Variants in NXN observed in about 807,000 individuals in gnomAD.
NXN encodes the protein nucleoredoxin, also known as nucleoredoxin 1.
Under a neutral mutation model 48.6 loss-of-function variants are expected in NXN, and 16 were observed. The ratio of observed to expected loss-of-function variants is 0.33; its 90% confidence interval spans 0.22 to 0.50. The LOEUF is 0.50. Among genes scored for constraint, NXN ranks in the 20% least tolerant of loss-of-function variants. The pLI is 0.98. For synonymous variants in NXN, 281 were observed against 269.6 expected (o/e 1.04, Z -0.41); for missense variants, 492 against 605.5 (o/e 0.81, Z 1.97).
At chr17:894,811 C>A (rs1019993410) in intron 1 of NXN, among the ~76,000 whole-genome samples, 1 of 152,108 alleles carries the variant, frequency 6.6e-6, no homozygotes, top group Non-Finnish European at 1.5e-5. Flanking sequence ...TGCTAAAATA[C>A]CCCCTTCCAT....
intron 5 of NXN, among the ~76,000 whole-genome samples, chr17:814,421 G>A (rs1478007185): frequency 6.6e-6 from 1 of 152,132 alleles, no homozygotes; most frequent in Admixed American, 6.6e-5. Flanking sequence ...TCTGCTCCAC[G>A]GATGATGAGG....
intron 1 of NXN, among the ~76,000 whole-genome samples, chr17:916,898 T>TA (rs1230756312): frequency 6.6e-6 from 1 of 151,408 alleles, no homozygotes; most frequent in African/African-American, 2.4e-5. Flanking sequence ...ACTTCATCTC[T>TA]AAAAAAAAAT....
At chr17:859,653 T>C (rs534373142) in intron 1 of NXN, among the ~76,000 whole-genome samples, 27 of 152,140 alleles carry the variant, frequency 1.8e-4, no homozygotes, top group Non-Finnish European at 4.0e-4. Context: ...TCACGACCTG[T>C]TTCACGGATC....
At chr17:820,802 T>C (rs1912786840) in intron 4 of NXN, among the ~76,000 whole-genome samples, 1 of 70,790 alleles carries the variant, frequency 1.4e-5, no homozygotes. Context: ...CCGGCGCCTG[T>C]AGTCCCAGCT....
chr17:865,708 G>A (rs2068088493), intron 1 of NXN, among the ~76,000 whole-genome samples: 1 of 151,918 alleles, frequency 6.6e-6, no homozygotes, highest in Non-Finnish European at 1.5e-5. Context: ...ATGTTGCTGG[G>A]CGCAGTGGCT....
intron 1 of NXN, among the ~76,000 whole-genome samples, chr17:955,013 C>A (rs560129325): frequency 1.3e-5 from 2 of 151,584 alleles, no homozygotes; most frequent in African/African-American, 4.9e-5. Flanking sequence ...GGGCCTGACC[C>A]CAGCCCTTCC....
At chr17:929,713 C>T (rs767267653) in intron 1 of NXN, 1 of 152,256 alleles carries the variant, frequency 6.6e-6, no homozygotes, top group Non-Finnish European at 1.5e-5. Flanking sequence ...CTGACCCAAC[C>T]GGAGGAGGCT....
At chr17:813,101 C>T (rs981905266) in intron 5 of NXN, among the ~76,000 whole-genome samples, 1 of 152,218 alleles carries the variant, frequency 6.6e-6, no homozygotes, top group Non-Finnish European at 1.5e-5. Context: ...CACTGGAAGC[C>T]GTAACCACGG....
chr17:910,619 G>C (rs555071532), intron 1 of NXN: 4 of 152,150 alleles, frequency 2.6e-5, no homozygotes, highest in African/African-American at 9.6e-5. Context: ...TTTTAAAAAA[G>C]CAACATACTT....
At chr17:905,225 G>A (rs1054027144) in intron 1 of NXN, 2 of 151,136 alleles carry the variant, frequency 1.3e-5, no homozygotes, top group Non-Finnish European at 3.0e-5. Context: ...CCAGCTGGGC[G>A]ACACAGCAAG....
At position 939,325 on chromosome 17, in the gene NXN, C is replaced by T. The variant is rs117471728; in HGVS notation, c.360+39994G>A. Among the ~76,000 whole-genome samples the T allele has an allele frequency of 4.8e-3, 718 of 150,404 alleles. 6 individuals carry two copies. Among genetic ancestry groups the T allele is most frequent in the East Asian group, 0.027 (140 of 5,116 alleles). ...GACAGATAGATACAGCAAAATACCA[C>T]GTAACTATTAGAAATCAGCTTTTTT... is the stretch of plus-strand genomic sequence containing the variant. On this transcript the variant is annotated intron_variant, in intron 1 of 7. Transcript: ENST00000336868.
intron 1 of NXN, among the ~76,000 whole-genome samples, chr17:957,179 C>T (rs575217831): frequency 7.9e-5 from 12 of 152,204 alleles, no homozygotes; most frequent in African/African-American, 1.4e-4. Context: ...TGAGCACATA[C>T]GATGAAAACA....
chr17:898,335 C>CCCCT (rs1409229134), intron 1 of NXN, among the ~76,000 whole-genome samples: 2 of 152,088 alleles, frequency 1.3e-5, no homozygotes, highest in Non-Finnish European at 2.9e-5. Context: ...CTGGGACACA[C>CCCCT]CCCTCTTCAG....
At chr17:881,799 G>A (rs1246628848) in intron 1 of NXN, among the ~76,000 whole-genome samples, 1 of 152,204 alleles carries the variant, frequency 6.6e-6, no homozygotes, top group East Asian at 1.9e-4. Flanking sequence ...ACAAACTGAT[G>A]TATACAAAAA....
intron 1 of NXN, among the ~76,000 whole-genome samples, chr17:924,067 A>G (rs1226437371): frequency 6.6e-6 from 1 of 151,924 alleles, no homozygotes; most frequent in East Asian, 1.9e-4. Flanking sequence ...AAATTCTCAA[A>G]AAGTTTTTTT....
chr17:858,177 C>T (rs181350861), intron 1 of NXN, among the ~76,000 whole-genome samples: 5 of 151,636 alleles, frequency 3.3e-5, no homozygotes, highest in Admixed American at 2.6e-4. Flanking sequence ...CACCATGTTG[C>T]GGCTAATTTT....
At chr17:882,656 A>G (rs4347685) in intron 1 of NXN, among the ~76,000 whole-genome samples, 29,644 of 151,702 alleles carry the variant, frequency 0.2, 2,990 homozygotes, top group Middle Eastern at 0.33. Flanking sequence ...TAGTAGAGAC[A>G]GGGTTTCACC....
At chr17:801,183 G>A in intron 7 of NXN, 52 bp from the exon 8 acceptor site, 1 of 1,417,224 alleles carries the variant, frequency 7.1e-7, no homozygotes, top group Non-Finnish European at 9.4e-7. Flanking sequence ...GAAAGGAGGG[G>A]GAGAGTCCCC....
rs900411636 is a variant in NXN at position 830,665 on chromosome 17, T to C, written c.361-4587A>G. Among the ~76,000 whole-genome samples the C allele has an allele frequency of 6.6e-6, 1 of 152,030 alleles. No homozygotes were observed. The highest frequency in any genetic ancestry group is 2.4e-5 in the African/African-American group (1 of 41,406). ...AAGGCCCCGTGGACGACAGCAAAAA[T>C]AACAGGTCACAGGGAATGACGTGAC... On this transcript the variant is annotated intron_variant, in intron 1 of 7. Transcript: ENST00000336868. This position sits in a 1 kb window ranked among gnomAD's most constrained non-coding sequence, Gnocchi z 4.2.
Sources: allele counts gnomAD v4.1 joint callset (sites outside exome capture counted in the v4.1 genomes callset), GRCh38; gene constraint gnomAD v4.1.1; non-coding constraint Gnocchi (gnomAD v3.1); transcripts MANE v1.5; gene names NCBI Gene and HGNC (gene_info 2026-07-23, HGNC 2026-07-21).